Variants in SORCS3 observed in about 807,000 individuals in gnomAD.
SORCS3 encodes sortilin related VPS10 domain containing receptor 3.
In SORCS3, 57 loss-of-function variants were observed where a neutral mutation model predicts 146.3. The observed-to-expected ratio is 0.39, with a 90% CI of 0.31 to 0.49. The LOEUF is 0.49. SORCS3 is among the 20% of genes least tolerant of loss of function. The probability of loss-of-function intolerance (pLI) is 0.92; values close to 1 mark genes in which losing one functional copy is unlikely to be tolerated. For missense variants in SORCS3, 1,341 were observed against 1,575.5 expected, an observed-to-expected ratio of 0.85 and a Z score of 2.52; for synonymous variants, 653 against 618.5, an observed-to-expected ratio of 1.06 and a Z score of -0.83.
chr10:104,897,644 T>C (rs2018811704), intron 2 of SORCS3, among the ~76,000 whole-genome samples: 1 of 152,236 alleles, frequency 6.6e-6, no homozygotes. Flanking sequence ...ATTTATAGTT[T>C]GGTAAACTAT....
intron 1 of SORCS3, among the ~76,000 whole-genome samples, chr10:104,771,783 C>A (rs1230678681): frequency 6.6e-6 from 1 of 151,442 alleles, no homozygotes; most frequent in South Asian, 2.1e-4. Flanking sequence ...GCTGGTTGAC[C>A]CCTTCAAGCA....
At chr10:104,864,229 G>A (rs1311257870) in intron 2 of SORCS3, among the ~76,000 whole-genome samples, 1 of 152,132 alleles carries the variant, frequency 6.6e-6, no homozygotes, top group Admixed American at 6.5e-5. Flanking sequence ...ATTGTTAAAT[G>A]TTTATAAAAG....
At chr10:105,239,577 G>A (rs960950068) in intron 20 of SORCS3, among the ~76,000 whole-genome samples, 1 of 152,132 alleles carries the variant, frequency 6.6e-6, no homozygotes, top group Non-Finnish European at 1.5e-5. Flanking sequence ...GATTCTCTGT[G>A]GGGAGGGATG....
chr10:105,027,745 T>A (rs1418545175), intron 4 of SORCS3, among the ~76,000 whole-genome samples: 1 of 152,186 alleles, frequency 6.6e-6, no homozygotes, highest in African/African-American at 2.4e-5. Context: ...TTTTGCACTT[T>A]TGTGCTTTGT....
intron 1 of SORCS3, among the ~76,000 whole-genome samples, chr10:104,731,067 A>G (rs1213287602): frequency 1.3e-5 from 2 of 152,182 alleles, no homozygotes; most frequent in Non-Finnish European, 2.9e-5. Context: ...GCAGGTACTG[A>G]GTAGGGTTTA....
At chr10:105,261,109 A>T (rs974382053) in intron 25 of SORCS3, among the ~76,000 whole-genome samples, 1 of 152,184 alleles carries the variant, frequency 6.6e-6, no homozygotes, top group South Asian at 2.1e-4. Flanking sequence ...CCTTGCCTAC[A>T]TGGGGCTGTT....
At chr10:104,704,321 C>G (rs1323092088) in intron 1 of SORCS3, among the ~76,000 whole-genome samples, 2 of 152,126 alleles carry the variant, frequency 1.3e-5, no homozygotes, top group Non-Finnish European at 1.5e-5. Flanking sequence ...GTGTGCACCA[C>G]CATGCCCAGC....
chr10:105,103,661 T>C (rs569300856), intron 6 of SORCS3, among the ~76,000 whole-genome samples: 12 of 152,242 alleles, frequency 7.9e-5, no homozygotes, highest in African/African-American at 2.9e-4. Flanking sequence ...GAAAGAAAAG[T>C]TTAGAGGCTG....
intron 7 of SORCS3, among the ~76,000 whole-genome samples, chr10:105,121,274 T>C (rs769090061): frequency 1.8e-4 from 28 of 152,210 alleles, no homozygotes; most frequent in Non-Finnish European, 3.2e-4. Flanking sequence ...ACATCAAATT[T>C]ATGTCCAGCA....
Position 105,094,142 on chromosome 10 carries a change from T to A in SORCS3, c.1093+4303T>A, listed in dbSNP as rs571479858. Among the ~76,000 whole-genome samples, 5 of 152,320 alleles carry A rather than the reference T, an allele frequency of 3.3e-5. No individual in the cohort carries two copies. In the South Asian group the frequency reaches 1.0e-3, roughly 32 times the overall value. On this transcript the variant is annotated intron_variant, in intron 6 of 26. Coordinates refer to ENST00000369701, the MANE Select transcript of SORCS3 (RefSeq NM_014978.3). ...GTTACATGCTGTATTATTCCATTTA[T>A]GTGATCTTATGGGAAAGACAAACTA...
intron 4 of SORCS3, among the ~76,000 whole-genome samples, chr10:105,028,138 G>A (rs916315722): frequency 5.3e-5 from 8 of 152,054 alleles, no homozygotes; most frequent in Admixed American, 6.6e-5. Flanking sequence ...GCTTACTTAC[G>A]TATATATAAG....
At chr10:104,825,804 G>A (rs2017928496) in intron 1 of SORCS3, among the ~76,000 whole-genome samples, 1 of 152,194 alleles carries the variant, frequency 6.6e-6, no homozygotes, top group South Asian at 2.1e-4. Flanking sequence ...AAGTCCCTTA[G>A]GGAATGAGAG....
At chr10:105,165,578 A>G (rs1469876613) in intron 12 of SORCS3, among the ~76,000 whole-genome samples, 1 of 152,166 alleles carries the variant, frequency 6.6e-6, no homozygotes, top group Non-Finnish European at 1.5e-5. Flanking sequence ...GTCAATAATA[A>G]GTTAAGGTTC....
chr10:104,976,880 A>G (rs1005252960), intron 3 of SORCS3, among the ~76,000 whole-genome samples: 1 of 151,522 alleles, frequency 6.6e-6, no homozygotes, highest in African/African-American at 2.4e-5. Context: ...GGACACAGGA[A>G]GGGGAACATC....
chr10:105,132,350 A>G (rs1293990864), intron 7 of SORCS3, among the ~76,000 whole-genome samples: 1 of 152,200 alleles, frequency 6.6e-6, no homozygotes, highest in Non-Finnish European at 1.5e-5. Flanking sequence ...ATTAAATAAT[A>G]TCATGAAAGT....
chr10:105,156,537 G>A (rs1042058175), intron 9 of SORCS3, among the ~76,000 whole-genome samples: 1 of 152,092 alleles, frequency 6.6e-6, no homozygotes, highest in African/African-American at 2.4e-5. Flanking sequence ...CAGCCAACTG[G>A]GAAAAAGAAG....
At chr10:105,212,353 A>T (rs1258067827) in intron 17 of SORCS3, among the ~76,000 whole-genome samples, 1 of 152,198 alleles carries the variant, frequency 6.6e-6, no homozygotes, top group African/African-American at 2.4e-5. Flanking sequence ...TGCAGATCCA[A>T]CAGCATGAAG....
chr10:104,817,406 T>C (rs1589510232), intron 1 of SORCS3, among the ~76,000 whole-genome samples: 1 of 71,560 alleles, frequency 1.4e-5, no homozygotes, highest in Non-Finnish European at 2.6e-5. Flanking sequence ...TTCCCCCTCC[T>C]CCTCCCCCTT....
intron 1 of SORCS3, among the ~76,000 whole-genome samples, chr10:104,730,452 T>C (rs950593084): frequency 2.4e-4 from 37 of 152,168 alleles, no homozygotes; most frequent in African/African-American, 8.7e-4. Flanking sequence ...GAGGGCTCCA[T>C]CTGGGTTGAT....
Sources: gnomAD v4.1 joint callset for allele counts (sites outside exome capture counted in the v4.1 genomes callset) on GRCh38, gnomAD v4.1.1 for gene constraint, MANE v1.5 for transcripts, NCBI Gene and HGNC (gene_info 2026-07-23, HGNC 2026-07-21) for gene names.